NLGN1: variants seen among roughly 807,000 people sequenced by gnomAD.
NLGN1 encodes neuroligin 1, also known as neuroligin-1.
NLGN1 carries 12 observed loss-of-function variants against 65.5 expected under a neutral mutation model. The observed-to-expected ratio is 0.18, with a 90% CI of 0.12 to 0.30. The LOEUF is 0.30. NLGN1 is among the 10% of genes least tolerant of loss of function. The probability of loss-of-function intolerance (pLI) is 1.00; values close to 1 mark genes in which losing one functional copy is unlikely to be tolerated. For missense variants in NLGN1, 750 were observed against 1,007.1 expected, an observed-to-expected ratio of 0.74 and a Z score of 3.46; for synonymous variants, 350 against 359.5, an observed-to-expected ratio of 0.97 and a Z score of 0.30.
chr3:173,533,020 A>G (rs140301893), intron 2 of NLGN1, among the ~76,000 whole-genome samples: 123 of 152,308 alleles, frequency 8.1e-4, no homozygotes, highest in African/African-American at 2.9e-3. Flanking sequence ...CGTATTCTTG[A>G]TTCACTGACC....
intron 4 of NLGN1, among the ~76,000 whole-genome samples, chr3:173,992,053 C>T (rs1052075482): frequency 6.6e-6 from 1 of 152,080 alleles, no homozygotes; most frequent in African/African-American, 2.4e-5. Flanking sequence ...GTCTCGAACT[C>T]CTGACCTCAG....
intron 3 of NLGN1, among the ~76,000 whole-genome samples, chr3:173,687,619 T>G (rs1764866452): frequency 1.3e-5 from 2 of 152,168 alleles, no homozygotes; most frequent in Non-Finnish European, 2.9e-5. Context: ...TACTAAAAAG[T>G]GAGAAAAATA....
chr3:174,069,956 G>A (rs1249527960), intron 4 of NLGN1, among the ~76,000 whole-genome samples: 2 of 152,156 alleles, frequency 1.3e-5, no homozygotes, highest in Non-Finnish European at 2.9e-5. Context: ...AACAGTAAAT[G>A]ACCTTTATAG....
chr3:173,545,235 C>T (rs1263354434), intron 2 of NLGN1, among the ~76,000 whole-genome samples: 9 of 152,090 alleles, frequency 5.9e-5, no homozygotes, highest in South Asian at 2.1e-4. Context: ...CCACCACACC[C>T]GGCTAATTTT....
intron 4 of NLGN1, among the ~76,000 whole-genome samples, chr3:173,922,393 A>G (rs1213939072): frequency 2.0e-5 from 3 of 152,038 alleles, no homozygotes. Flanking sequence ...AATTATATAT[A>G]ATGTTAACTT....
intron 3 of NLGN1, among the ~76,000 whole-genome samples, chr3:173,679,661 T>TA (rs1443712820): frequency 6.6e-6 from 1 of 152,090 alleles, no homozygotes; most frequent in East Asian, 1.9e-4. Context: ...TAGAGGGTGT[T>TA]ACAGCAAAAT....
chr3:174,211,340 G>A (rs7637443), intron 4 of NLGN1, among the ~76,000 whole-genome samples: 4 of 152,062 alleles, frequency 2.6e-5, no homozygotes, highest in Non-Finnish European at 4.4e-5. Flanking sequence ...TGATTGGTGC[G>A]TTTACAATCC....
intron 3 of NLGN1, among the ~76,000 whole-genome samples, chr3:173,709,164 C>A (rs1157831552): frequency 6.6e-6 from 1 of 152,072 alleles, no homozygotes; most frequent in Non-Finnish European, 1.5e-5. Context: ...TTAAAAATAC[C>A]GAGGTTTATT....
intron 3 of NLGN1, among the ~76,000 whole-genome samples, chr3:173,728,693 A>T (rs1271750476): frequency 6.6e-6 from 1 of 152,098 alleles, no homozygotes; most frequent in African/African-American, 2.4e-5. Context: ...ACGTATAGGG[A>T]AGAACAACAT....
chr3:173,586,432 TCTGA>T (rs1236871736), intron 2 of NLGN1, among the ~76,000 whole-genome samples: 2 of 152,196 alleles, frequency 1.3e-5, no homozygotes, highest in East Asian at 1.9e-4. Flanking sequence ...CATGCGACGT[TCTGA>T]CTATTAAAAG....
intron 4 of NLGN1, among the ~76,000 whole-genome samples, chr3:174,042,751 A>G (rs138613404): frequency 6.6e-6 from 1 of 152,180 alleles, no homozygotes; most frequent in Non-Finnish European, 1.5e-5. Context: ...CCACTTAAAG[A>G]TAAGGAAACT....
At chr3:173,640,172 T>G (rs1195573877) in intron 3 of NLGN1, among the ~76,000 whole-genome samples, 2 of 152,182 alleles carry the variant, frequency 1.3e-5, no homozygotes, top group Non-Finnish European at 2.9e-5. Context: ...TTTCCAAAAC[T>G]ATTTCTCAGT....
At chr3:173,823,583 G>T (rs1163484030) in intron 4 of NLGN1, among the ~76,000 whole-genome samples, 1 of 151,878 alleles carries the variant, frequency 6.6e-6, no homozygotes, top group Non-Finnish European at 1.5e-5. Flanking sequence ...ACACTGTTTG[G>T]CGCTGCTTCA....
intron 4 of NLGN1, among the ~76,000 whole-genome samples, chr3:174,206,324 C>T (rs1477844837): frequency 6.6e-6 from 1 of 152,208 alleles, no homozygotes; most frequent in Non-Finnish European, 1.5e-5. Flanking sequence ...TCGAGGATCA[C>T]ACCAACTTCA....
intron 4 of NLGN1, among the ~76,000 whole-genome samples, chr3:173,905,040 T>G (rs1317421378): frequency 6.6e-6 from 1 of 152,104 alleles, no homozygotes; most frequent in African/African-American, 2.4e-5. Context: ...TTTCATGGGT[T>G]TTAAACCTCC....
chr3:173,770,616 AT>A (rs1300272395), intron 3 of NLGN1, among the ~76,000 whole-genome samples: 1 of 152,082 alleles, frequency 6.6e-6, no homozygotes, highest in African/African-American at 2.4e-5. Flanking sequence ...GTATGGTGTA[AT>A]GATAAAAAGA....
chr3:173,962,290 G>C (rs1276289103), intron 4 of NLGN1, among the ~76,000 whole-genome samples: 2 of 152,046 alleles, frequency 1.3e-5, no homozygotes, highest in Admixed American at 6.6e-5. Context: ...CATTTTGAAA[G>C]TCATATTAGG....
intron 4 of NLGN1, among the ~76,000 whole-genome samples, chr3:173,867,169 C>CT (rs543734633): frequency 1.2e-3 from 185 of 152,114 alleles, no homozygotes; most frequent in African/African-American, 4.0e-3. Context: ...AAATGTAACC[C>CT]CCTCCTAACC....
At position 173,694,366 on chromosome 3, in the gene NLGN1, C is replaced by T. The variant is rs140648804; in HGVS notation, c.493+89275C>T. On this transcript the variant is annotated intron_variant, in intron 3 of 6. Coordinates refer to ENST00000457714, the Ensembl canonical transcript of NLGN1. ...TGTTTGGACACTTGAGGGCCAAGTG[C>T]GGTGTTGAAAGCTTGTGAACAATGA... is the stretch of plus-strand genomic sequence containing the variant. 6.6e-5 allele frequency among the ~76,000 whole-genome samples: 10 copies of T among 152,150 alleles called. No homozygotes were observed. In the East Asian group the frequency reaches 1.3e-3, roughly 21 times the overall value.
Sources: gnomAD v4.1 joint callset for allele counts (sites outside exome capture counted in the v4.1 genomes callset) on GRCh38, gnomAD v4.1.1 for gene constraint, MANE v1.5 for transcripts, NCBI Gene and HGNC (gene_info 2026-07-23, HGNC 2026-07-21) for gene names.